The following GNAS-AS1 variants were observed in gnomAD, a reference collection of about 807,000 sequenced individuals.
GNAS-AS1 encodes GNAS antisense RNA 1 (non-protein coding).
intron 4 of GNAS-AS1, chr20:58,823,984 C>A (rs1041957668): frequency 5.0e-6 from 2 of 398,550 alleles, no homozygotes; most frequent in Non-Finnish European, 8.8e-6. Flanking sequence ...ACCTATGCAG[C>A]GAGGAAATCC....
chr20:58,841,569 G>A lies in GNAS-AS1; in HGVS notation n.819+368C>T. The A allele has an allele frequency of 1.0e-6, 1 of 1,002,068 alleles. No homozygotes were observed. Among genetic ancestry groups the A allele is most frequent in the Non-Finnish European group, 1.2e-6 (1 of 841,512 alleles). 62.1% of individuals were successfully genotyped at this position (1,002,068 alleles called of 1,614,324 possible). A position where few individuals can be genotyped will look rare whatever the true frequency, so the allele number is the denominator to read the frequency against. On this transcript the variant is annotated intron_variant and non_coding_transcript_variant, in intron 4 of 4. Coordinates refer to ENST00000424094, the Ensembl canonical transcript of GNAS-AS1. The surrounding 1 kb of genome is among the most constrained non-coding windows in gnomAD (Gnocchi z 5.0). ...CCTTGGCCGCCACAGCCCGCCTCCC[G>A]TCGCTCGCGGGACAGAGACCGCCTC... is the stretch of plus-strand genomic sequence containing the variant.
In GNAS-AS1 at chr20:58,823,590, C is replaced by T. The variant is rs199862691; in HGVS notation, n.820-4335G>A. Among the ~76,000 whole-genome samples, 9 of 152,372 alleles carry T rather than the reference C, an allele frequency of 5.9e-5. No individual in the cohort carries two copies. The East Asian group carries it at 9.6e-4, about 16-fold the overall frequency. Reference sequence around the variant, plus strand: ...TTGCTATTAATACAGTGCAAAGAGGCCCAGCAGCTGGCCGGGGCCAGGTCT... The same window carrying T: ...TTGCTATTAATACAGTGCAAAGAGGTCCAGCAGCTGGCCGGGGCCAGGTCT... On this transcript the variant is annotated intron_variant and non_coding_transcript_variant, in intron 4 of 4. Transcript: ENST00000424094.
At chr20:58,837,363 C>T (rs958944988) in intron 4 of GNAS-AS1, among the ~76,000 whole-genome samples, 3 of 152,178 alleles carry the variant, frequency 2.0e-5, no homozygotes, top group African/African-American at 7.2e-5. Context: ...ATGCCCCTGC[C>T]CAGTGTCCCA....
At chr20:58,837,393 A>T (rs2145462736) in intron 4 of GNAS-AS1, among the ~76,000 whole-genome samples, 1 of 152,350 alleles carries the variant, frequency 6.6e-6, no homozygotes, top group Admixed American at 6.5e-5. Context: ...CCACACAGTG[A>T]CTACAGCCAC....
At chr20:58,831,177 C>A in intron 4 of GNAS-AS1, among the ~76,000 whole-genome samples, 1 of 151,904 alleles carries the variant, frequency 6.6e-6, no homozygotes, top group Non-Finnish European at 1.5e-5. Context: ...ACTGTAAAAC[C>A]CAAAGGACAT....
In GNAS-AS1 at chr20:58,840,908, T is replaced by A. The variant is rs2085691404; in HGVS notation, n.819+1029A>T. 12 of 1,610,998 alleles carry A rather than the reference T, an allele frequency of 7.4e-6. No individual in the cohort carries two copies. Among genetic ancestry groups the A allele is most frequent in the Admixed American group, 1.7e-5 (1 of 59,854 alleles). On this transcript the variant is annotated intron_variant and non_coding_transcript_variant, in intron 4 of 4. Coordinates refer to ENST00000424094, the Ensembl canonical transcript of GNAS-AS1. The surrounding 1 kb of genome is among the most constrained non-coding windows in gnomAD (Gnocchi z 6.0). The stretch of plus-strand genomic sequence containing the variant: ...TCAGGTTAGTTGCCCACCGCTAAAC[T>A]GGGGAGCCTGAGGGCGGTGTGGGAG...
chr20:58,841,787 TGGCCA>T lies in GNAS-AS1; in HGVS notation n.819+145_819+149del, dbSNP rs1229804304. On this transcript the variant is annotated intron_variant and non_coding_transcript_variant, in intron 4 of 4. Transcript: ENST00000424094. The surrounding 1 kb of genome is among the most constrained non-coding windows in gnomAD (Gnocchi z 5.0). ...CAAGCTTTTGGCGCAGCTGGTCGGGTGGCCAGGCTGCATGCGGCTTAGCAGGAGAC... is the reference window on the plus strand; with the variant it reads ...CAAGCTTTTGGCGCAGCTGGTCGGGTGGCTGCATGCGGCTTAGCAGGAGAC... 8.1e-7 allele frequency: 1 copy of T among 1,230,474 alleles called. No homozygotes were observed. The highest frequency in any genetic ancestry group is 1.6e-5 in the African/African-American group (1 of 64,408). The allele number at this position is 1,230,474 out of a possible 1,614,324, so 76.2% of individuals were successfully genotyped here.
chr20:58,827,475 T>C (rs961494041), intron 4 of GNAS-AS1, among the ~76,000 whole-genome samples: 1 of 152,244 alleles, frequency 6.6e-6, no homozygotes, highest in Non-Finnish European at 1.5e-5. Context: ...CACTGCTTGA[T>C]ATCATCTCCA....
chr20:58,847,315 T>C (rs181128471), intron 2 of GNAS-AS1, among the ~76,000 whole-genome samples: 1 of 152,218 alleles, frequency 6.6e-6, no homozygotes, highest in African/African-American at 2.4e-5. Context: ...TTTTTTCCTT[T>C]AGCTGGCATT....
At chr20:58,833,656 A>G (rs2085582334) in intron 4 of GNAS-AS1, among the ~76,000 whole-genome samples, 1 of 152,170 alleles carries the variant, frequency 6.6e-6, no homozygotes, top group Non-Finnish European at 1.5e-5. Flanking sequence ...CGGCTAGGGC[A>G]CTGATCTGAT....
chr20:58,825,760 G>A (rs2085515639), intron 4 of GNAS-AS1, among the ~76,000 whole-genome samples: 1 of 152,264 alleles, frequency 6.6e-6, no homozygotes, highest in African/African-American at 2.4e-5. Context: ...GCCAACAAAG[G>A]CCACTCATAA....
rs2085672984 is a variant in GNAS-AS1 at position 58,840,425 on chromosome 20, T to C, written n.819+1512A>G. 1 of 1,613,002 alleles carries C rather than the reference T, an allele frequency of 6.2e-7. No homozygotes were observed. Among genetic ancestry groups the C allele is most frequent in the South Asian group, 1.1e-5 (1 of 91,046 alleles). ...CGAGTGCCTAGAGTACGAGGAAGAG[T>C]TCGACTACGAGACCGAGAGCGAGAC... is the stretch of plus-strand genomic sequence containing the variant. On this transcript the variant is annotated intron_variant and non_coding_transcript_variant, in intron 4 of 4. Transcript: ENST00000424094. The surrounding 1 kb of genome is among the most constrained non-coding windows in gnomAD (Gnocchi z 6.0).
chr20:58,828,090 A>G (rs560774063), intron 4 of GNAS-AS1, among the ~76,000 whole-genome samples: 17 of 152,220 alleles, frequency 1.1e-4, no homozygotes, highest in Non-Finnish European at 2.5e-4. Context: ...ATTTTAAGTA[A>G]TAACTGGTGC....
Position 58,841,910 on chromosome 20 carries a change from G to GT in GNAS-AS1, n.819+26dup. ...AACAAGGGACAGGCTGGAGACGGGG[G>GT]TCGCGTCTAACATCAGGATAACTTA... On this transcript the variant is annotated intron_variant and non_coding_transcript_variant, in intron 4 of 4. Coordinates refer to ENST00000424094, the Ensembl canonical transcript of GNAS-AS1. The surrounding 1 kb of genome is among the most constrained non-coding windows in gnomAD (Gnocchi z 5.0). 1 of 1,224,754 alleles carries GT rather than the reference G, an allele frequency of 8.2e-7. No homozygotes were observed. Among genetic ancestry groups the GT allele is most frequent in the Non-Finnish European group, 1.0e-6 (1 of 981,616 alleles). The allele number at this position is 1,224,754 out of a possible 1,614,324, so 75.9% of individuals were successfully genotyped here.
chr20:58,839,540 C>A (rs929727579), intron 4 of GNAS-AS1: 18 of 405,056 alleles, frequency 4.4e-5, no homozygotes, highest in Middle Eastern at 1.2e-3. Flanking sequence ...TCCTTGCCAC[C>A]CGCCAGGCCC....
chr20:58,838,916 CAAAAAAAAAAA>C (rs766172876), intron 4 of GNAS-AS1: 2 of 249,806 alleles, frequency 8.0e-6, no homozygotes, highest in Admixed American at 9.7e-5. Context: ...GATTCTGTCT[CAAAAAAAAAAA>C]AAAAAAAAAA....
intron 4 of GNAS-AS1, chr20:58,836,212 A>T (rs2085601942): frequency 6.6e-6 from 1 of 152,172 alleles, no homozygotes; most frequent in Admixed American, 6.5e-5. Flanking sequence ...GCACACCACG[A>T]AAAACATCTC....
At chr20:58,839,300 G>A in intron 4 of GNAS-AS1, 1 of 398,640 alleles carries the variant, frequency 2.5e-6, no homozygotes, top group Non-Finnish European at 4.4e-6. Context: ...GCTGCCCGAA[G>A]TTACCATCCT....
intron 4 of GNAS-AS1, chr20:58,839,005 G>A (rs1033200517): frequency 1.7e-5 from 6 of 361,006 alleles, no homozygotes; most frequent in African/African-American, 6.6e-5. Context: ...GAACTGCCCC[G>A]CAGGAGAGAA....
Sources: gnomAD v4.1 joint callset for allele counts (sites outside exome capture counted in the v4.1 genomes callset) on GRCh38, gnomAD v4.1.1 for gene constraint, Gnocchi (gnomAD v3.1) non-coding constraint, MANE v1.5 for transcripts, NCBI Gene and HGNC (gene_info 2026-07-23, HGNC 2026-07-21) for gene names.